SPMIP7: variants seen among roughly 807,000 people sequenced by gnomAD.
SPMIP7 encodes sperm microtubule inner protein 7.
the SPMIP7 span, among the ~76,000 whole-genome samples, chr7:50,122,704 T>C: frequency 2.7e-3 from 407 of 150,882 alleles, 3 homozygotes; most frequent in East Asian, 0.039. Context: ...TACAATGAAC[T>C]CAAACAAATT....
chr7:50,096,917 C>T, the SPMIP7 span, among the ~76,000 whole-genome samples: 1 of 152,312 alleles, frequency 6.6e-6, no homozygotes, highest in Non-Finnish European at 1.5e-5. Context: ...TGTTTTACCA[C>T]AGGGGAATTT....
chr7:50,110,377 T>C, the SPMIP7 span, among the ~76,000 whole-genome samples: 1 of 148,820 alleles, frequency 6.7e-6, no homozygotes. Flanking sequence ...GGAGTTCTTA[T>C]ATATATTTAT....
the SPMIP7 span, among the ~76,000 whole-genome samples, chr7:50,130,096 C>T: frequency 6.6e-6 from 1 of 152,090 alleles, no homozygotes; most frequent in Non-Finnish European, 1.5e-5. Context: ...AATTCATTGA[C>T]TCAGTCAACA....
the SPMIP7 span, among the ~76,000 whole-genome samples, chr7:50,112,679 A>G: frequency 3.3e-5 from 5 of 152,110 alleles, no homozygotes; most frequent in African/African-American, 9.7e-5. Context: ...TGGGATCTCT[A>G]AAGAAGGGAA....
At chr7:50,118,389 G>A in the SPMIP7 span, among the ~76,000 whole-genome samples, 3 of 152,110 alleles carry the variant, frequency 2.0e-5, no homozygotes, top group South Asian at 6.2e-4. Flanking sequence ...TTGATAAAAT[G>A]GTTCATAACC....
the SPMIP7 span, among the ~76,000 whole-genome samples, chr7:50,136,811 T>C: frequency 2.0e-5 from 3 of 152,180 alleles, no homozygotes; most frequent in Non-Finnish European, 4.4e-5. Context: ...TCATTTTTGC[T>C]CGTAACACAA....
chr7:50,112,617 C>A, the SPMIP7 span, among the ~76,000 whole-genome samples: 1 of 152,106 alleles, frequency 6.6e-6, no homozygotes, highest in Non-Finnish European at 1.5e-5. Flanking sequence ...GAAAACTGGA[C>A]AAATTATAAA....
At chr7:50,135,824 T>G in the SPMIP7 span, among the ~76,000 whole-genome samples, 1 of 152,168 alleles carries the variant, frequency 6.6e-6, no homozygotes, top group African/African-American at 2.4e-5. Flanking sequence ...AAAATCAGAC[T>G]TTCCACATGG....
chr7:50,159,149 A>G, the SPMIP7 span: 2 of 1,551,754 alleles, frequency 1.3e-6, no homozygotes, highest in South Asian at 2.4e-5. Flanking sequence ...CAAGAAGGAC[A>G]AAGAAACCAT....
At chr7:50,121,818 T>C in the SPMIP7 span, among the ~76,000 whole-genome samples, 1 of 120,444 alleles carries the variant, frequency 8.3e-6, no homozygotes, top group South Asian at 2.6e-4. Context: ...CATGCCCAGC[T>C]AATTTTTGTT....
At chr7:50,157,760 T>C in the SPMIP7 span, among the ~76,000 whole-genome samples, 1 of 152,170 alleles carries the variant, frequency 6.6e-6, no homozygotes, top group East Asian at 1.9e-4. Context: ...CACGGGCTTG[T>C]GGGGTTGCTC....
At chr7:50,153,884 T>C in the SPMIP7 span, among the ~76,000 whole-genome samples, 2 of 152,150 alleles carry the variant, frequency 1.3e-5, no homozygotes, top group Non-Finnish European at 2.9e-5. Context: ...ATTCTAAGCA[T>C]CCCACAAGCC....
the SPMIP7 span, among the ~76,000 whole-genome samples, chr7:50,148,024 T>C: frequency 1.3e-5 from 2 of 152,194 alleles, no homozygotes; most frequent in Non-Finnish European, 2.9e-5. Context: ...CTTTGTTCCC[T>C]CCAGCTGAAA....
At chr7:50,101,583 A>G in the SPMIP7 span, among the ~76,000 whole-genome samples, 1 of 152,208 alleles carries the variant, frequency 6.6e-6, no homozygotes, top group African/African-American at 2.4e-5. Flanking sequence ...CTTAGTCTTA[A>G]ATTTGATGAC....
the SPMIP7 span, among the ~76,000 whole-genome samples, chr7:50,147,304 T>C: frequency 2.6e-5 from 4 of 152,046 alleles, no homozygotes; most frequent in Non-Finnish European, 5.9e-5. Flanking sequence ...GGGCTGGGAG[T>C]AATGCCAATG....
the SPMIP7 span, among the ~76,000 whole-genome samples, chr7:50,123,802 A>G: frequency 7.4e-6 from 1 of 134,948 alleles, no homozygotes; most frequent in Non-Finnish European, 1.8e-5. Flanking sequence ...CCAAAAAGAC[A>G]GAAAAAAAAG....
chr7:50,097,866 G>A, the SPMIP7 span, among the ~76,000 whole-genome samples: 694 of 152,212 alleles, frequency 4.6e-3, 2 homozygotes, highest in African/African-American at 0.016. Flanking sequence ...AGAATCAAAT[G>A]AATTAACACT....
chr7:50,151,662 C>A, the SPMIP7 span: 1 of 781,378 alleles, frequency 1.3e-6, no homozygotes, highest in Non-Finnish European at 1.9e-6. Context: ...AGCAAATTTA[C>A]ATTGTTTTTA....
chr7:50,106,984 C>T, the SPMIP7 span, among the ~76,000 whole-genome samples: 1 of 151,904 alleles, frequency 6.6e-6, no homozygotes, highest in Non-Finnish European at 1.5e-5. Flanking sequence ...CACCTGTAAT[C>T]CCAGCACTTT....
Sources: gnomAD v4.1 joint callset for allele counts (sites outside exome capture counted in the v4.1 genomes callset) on GRCh38, gnomAD v4.1.1 for gene constraint, MANE v1.5 for transcripts, NCBI Gene and HGNC (gene_info 2026-07-23, HGNC 2026-07-21) for gene names.